Variants in EFHC1 observed in about 807,000 individuals in gnomAD.
The protein encoded by EFHC1 is EF-hand domain containing 1, also known as EF-hand domain-containing protein 1.
Under a neutral mutation model 69.9 loss-of-function variants are expected in EFHC1, and 53 were observed. That is an observed-to-expected ratio of 0.76 (90% CI 0.61 to 0.95). The LOEUF (loss-of-function observed/expected upper bound fraction) is 0.95, where lower values mean the gene tolerates loss of function less well. Among genes scored for constraint, EFHC1 ranks in the 40% least tolerant of loss-of-function variants. The pLI is 0.00. For missense variants in EFHC1, 739 were observed against 798.7 expected, an observed-to-expected ratio of 0.93 and a Z score of 0.90; for synonymous variants, 256 against 278.4, an observed-to-expected ratio of 0.92 and a Z score of 0.80.
chr6:52,468,909 T>C (rs565476918), intron 6 of EFHC1: 66 of 192,128 alleles, frequency 3.4e-4, no homozygotes, highest in Non-Finnish European at 6.2e-4. Flanking sequence ...GAAGAAATAC[T>C]CTGTTATGGA....
At chr6:52,426,814 T>A (rs1352857671) in intron 2 of EFHC1, among the ~76,000 whole-genome samples, 1 of 152,214 alleles carries the variant, frequency 6.6e-6, no homozygotes, top group Non-Finnish European at 1.5e-5. Flanking sequence ...CACTTTCATT[T>A]CCTCTGCCAC....
At chr6:52,420,935 C>T (rs1488412816) in intron 1 of EFHC1, 2 of 942,138 alleles carry the variant, frequency 2.1e-6, no homozygotes, top group East Asian at 7.5e-5. Context: ...GCACCTTCAA[C>T]CTCATTCCCA....
At chr6:52,422,361 C>T (rs1055100189) in intron 1 of EFHC1, among the ~76,000 whole-genome samples, 2 of 152,162 alleles carry the variant, frequency 1.3e-5, no homozygotes, top group Non-Finnish European at 2.9e-5. Context: ...CAACTCAGCG[C>T]ATTTTGTTCT....
In EFHC1 at chr6:52,424,127, C is replaced by T. The variant is rs2113966996; in HGVS notation, c.245C>T (p.Pro82Leu). 2 of 1,614,120 alleles carry T rather than the reference C, an allele frequency of 1.2e-6. No individual in the cohort carries two copies. Among genetic ancestry groups the T allele is most frequent in the African/African-American group, 2.7e-5 (2 of 75,040 alleles). Residue 82 changes from proline (P) to leucine (L), a missense_variant, in exon 2 of 11, where the codon CCT (proline) becomes CTT (leucine). Transcript: ENST00000371068. ...TATGGCCAACCTAAACAAGCCCCAC[C>T]TGCGGATTTTATTCCTGCGCATGTG... The part of the protein sequence containing the change: ...LTYGQPKQAP[P>L]ADFIPAHVAF...
rs12206743 is a variant in EFHC1 at position 52,420,596 on chromosome 6, G to C, written c.63+123G>C. ...TGTCTTCTCTCCAAACACGTCTTCTGTCCTGACCCTGTTCTTTATTCTGGG... is the reference window on the plus strand; with the variant it reads ...TGTCTTCTCTCCAAACACGTCTTCTCTCCTGACCCTGTTCTTTATTCTGGG... On this transcript the variant is annotated intron_variant, in intron 1 of 10. Coordinates refer to ENST00000371068, the MANE Select transcript of EFHC1 (RefSeq NM_018100.4). 0.22 allele frequency: 259,361 copies of C among 1,184,606 alleles called. 30,814 individuals are homozygous for C. Among genetic ancestry groups the C allele is most frequent in the Non-Finnish European group, 0.25 (199,242 of 811,772 alleles). 73.4% of individuals were successfully genotyped at this position (1,184,606 alleles called of 1,614,324 possible).
At chr6:52,432,065 T>A (rs537331312) in intron 2 of EFHC1, among the ~76,000 whole-genome samples, 2 of 152,186 alleles carry the variant, frequency 1.3e-5, no homozygotes, top group African/African-American at 2.4e-5. Flanking sequence ...TATCCACCCC[T>A]TTACCTTAAA....
At chr6:52,458,168 A>C (rs1167424020) in intron 5 of EFHC1, among the ~76,000 whole-genome samples, 2 of 152,206 alleles carry the variant, frequency 1.3e-5, no homozygotes, top group African/African-American at 4.8e-5. Flanking sequence ...AAAGTAAATA[A>C]ATAAATAAAC....
chr6:52,439,885 T>C (rs1188647333), intron 3 of EFHC1, among the ~76,000 whole-genome samples: 1 of 152,174 alleles, frequency 6.6e-6, no homozygotes, highest in African/African-American at 2.4e-5. Context: ...TGAGGTCTTA[T>C]ATATCATAGG....
At chr6:52,474,095 G>A (rs534729493) in intron 7 of EFHC1, among the ~76,000 whole-genome samples, 2 of 152,306 alleles carry the variant, frequency 1.3e-5, no homozygotes, top group Non-Finnish European at 2.9e-5. Context: ...GGCGGAGGCA[G>A]GAAGATCACT....
intron 9 of EFHC1, chr6:52,489,168 G>T (rs184472259): frequency 1.3e-5 from 2 of 152,296 alleles, no homozygotes; most frequent in Admixed American, 1.3e-4. Flanking sequence ...CGCAAGAAAA[G>T]TAAATACAGA....
intron 2 of EFHC1, among the ~76,000 whole-genome samples, chr6:52,435,799 T>C (rs190182709): frequency 6.6e-6 from 1 of 152,220 alleles, no homozygotes; most frequent in Non-Finnish European, 1.5e-5. Context: ...TCTTTCACTC[T>C]TCAAGTCTAA....
At position 52,492,626 on chromosome 6, in the gene EFHC1, T is replaced by G. The variant is rs1382734412; in HGVS notation, c.*285T>G. 6 of 509,798 alleles carry G rather than the reference T, an allele frequency of 1.2e-5. No individual in the cohort carries two copies. The highest frequency in any genetic ancestry group is 6.2e-5 in the South Asian group (4 of 64,184). The allele number at this position is 509,798 out of a possible 1,614,324, so 31.6% of individuals were successfully genotyped here. ...TTTCTTTCTTTTTAAAAAAATAAATTTTTTTAGAGATGGGATCTCACTCTG... is the reference window on the plus strand; with the variant it reads ...TTTCTTTCTTTTTAAAAAAATAAATGTTTTTAGAGATGGGATCTCACTCTG... On this transcript the variant is annotated 3_prime_UTR_variant, in exon 11 of 11. Coordinates refer to ENST00000371068, the MANE Select transcript of EFHC1 (RefSeq NM_018100.4).
intron 7 of EFHC1, among the ~76,000 whole-genome samples, chr6:52,470,674 A>G (rs1038154607): frequency 6.6e-6 from 1 of 152,222 alleles, no homozygotes; most frequent in South Asian, 2.1e-4. Flanking sequence ...TATTCTTTTG[A>G]TGAAGAACCA....
intron 3 of EFHC1, among the ~76,000 whole-genome samples, chr6:52,448,964 G>A (rs1437875640): frequency 6.6e-6 from 1 of 152,158 alleles, no homozygotes; most frequent in African/African-American, 2.4e-5. Flanking sequence ...AAATATATTG[G>A]CCTGAAGTTT....
At chr6:52,483,444 A>G (rs781195598) in intron 9 of EFHC1, 2 of 152,238 alleles carry the variant, frequency 1.3e-5, no homozygotes, top group Non-Finnish European at 2.9e-5. Context: ...TTTTTAAGCA[A>G]CAGTGTACAG....
Position 52,455,290 on chromosome 6 carries a change from G to A in EFHC1, c.916+1003G>A, listed in dbSNP as rs116425879. Among the ~76,000 whole-genome samples the A allele has an allele frequency of 5.5e-3, 843 of 152,184 alleles. 7 individuals carry two copies. The highest frequency in any genetic ancestry group is 0.019 in the African/African-American group (793 of 41,510). On this transcript the variant is annotated intron_variant, in intron 5 of 10. Transcript: ENST00000371068. Reference sequence around the variant, plus strand: ...GCTCTTATGTTTGGGTGGCTGACAGGATTCTGTAAATGTGTTCACTGATTT... The same window carrying A: ...GCTCTTATGTTTGGGTGGCTGACAGAATTCTGTAAATGTGTTCACTGATTT...
chr6:52,487,348 A>T (rs1765807022), intron 9 of EFHC1: 1 of 152,138 alleles, frequency 6.6e-6, no homozygotes, highest in Non-Finnish European at 1.5e-5. Context: ...TACCTCTCTT[A>T]AAGCCTATTG....
intron 7 of EFHC1, among the ~76,000 whole-genome samples, chr6:52,477,478 C>T (rs994521351): frequency 2.6e-5 from 4 of 152,094 alleles, no homozygotes; most frequent in Non-Finnish European, 5.9e-5. Flanking sequence ...GAATTTCTTC[C>T]TTAGGGGTTG....
At chr6:52,469,764 CTA>C (rs1176229533) in intron 7 of EFHC1, among the ~76,000 whole-genome samples, 1 of 152,188 alleles carries the variant, frequency 6.6e-6, no homozygotes, top group African/African-American at 2.4e-5. Flanking sequence ...TATTAAGTAA[CTA>C]TGAAATTGCT....
Sources: allele counts gnomAD v4.1 joint callset (sites outside exome capture counted in the v4.1 genomes callset), GRCh38; gene constraint gnomAD v4.1.1; transcripts MANE v1.5; gene names NCBI Gene and HGNC (gene_info 2026-07-23, HGNC 2026-07-21).